HEMK2: variants seen among roughly 807,000 people sequenced by gnomAD.
HEMK2 encodes methyltransferase HEMK2.
At chr21:28,583,574 C>T in the HEMK2 span, among the ~76,000 whole-genome samples, 3 of 152,180 alleles carry the variant, frequency 2.0e-5, no homozygotes, top group East Asian at 3.8e-4. Context: ...CTGAACACGT[C>T]GTTTCAGGTT....
the HEMK2 span, among the ~76,000 whole-genome samples, chr21:28,665,371 CTTTT>C: frequency 0.012 from 188 of 15,898 alleles, 2 homozygotes; most frequent in African/African-American, 0.064. Context: ...TTTTAATTTT[CTTTT>C]TTTTTTTTTT....
the HEMK2 span, among the ~76,000 whole-genome samples, chr21:28,867,199 T>C: frequency 1.3e-5 from 2 of 152,200 alleles, no homozygotes; most frequent in African/African-American, 4.8e-5. Context: ...GAGATGTTTA[T>C]AGCAACATTA....
the HEMK2 span, among the ~76,000 whole-genome samples, chr21:28,746,165 G>A: frequency 2.6e-5 from 4 of 152,184 alleles, no homozygotes. Context: ...AAAACTATAT[G>A]AATATAAATA....
the HEMK2 span, among the ~76,000 whole-genome samples, chr21:28,599,905 A>G: frequency 6.6e-6 from 1 of 152,364 alleles, no homozygotes; most frequent in African/African-American, 2.4e-5. Flanking sequence ...TAAAGCTCCA[A>G]AAGTATCTCC....
chr21:28,589,549 T>G, the HEMK2 span, among the ~76,000 whole-genome samples: 1 of 152,112 alleles, frequency 6.6e-6, no homozygotes. Context: ...GAAAGCATTA[T>G]GCATGTAGGC....
At chr21:28,816,175 A>G in the HEMK2 span, among the ~76,000 whole-genome samples, 2 of 152,200 alleles carry the variant, frequency 1.3e-5, no homozygotes, top group African/African-American at 4.8e-5. Context: ...TGAGAAAATA[A>G]ATTTCTGTTA....
At chr21:28,696,302 G>A in the HEMK2 span, among the ~76,000 whole-genome samples, 1 of 152,128 alleles carries the variant, frequency 6.6e-6, no homozygotes, top group Admixed American at 6.6e-5. Flanking sequence ...ACAGGCATTG[G>A]GTAAATATAC....
At chr21:28,865,545 T>C in the HEMK2 span, among the ~76,000 whole-genome samples, 1 of 152,178 alleles carries the variant, frequency 6.6e-6, no homozygotes, top group African/African-American at 2.4e-5. Context: ...AAAGACTACA[T>C]CCTTTCCCAT....
the HEMK2 span, among the ~76,000 whole-genome samples, chr21:28,668,154 C>CT: frequency 1.3e-5 from 2 of 152,080 alleles, no homozygotes; most frequent in Non-Finnish European, 2.9e-5. Flanking sequence ...TAAAGATAAC[C>CT]TTAAATAAGG....
the HEMK2 span, among the ~76,000 whole-genome samples, chr21:28,879,159 A>T: frequency 7.2e-6 from 1 of 139,398 alleles, no homozygotes; most frequent in African/African-American, 2.7e-5. Flanking sequence ...ATCATGGCTC[A>T]CTGCAGCTTC....
chr21:28,885,108 T>A, the HEMK2 span: 1 of 1,408,482 alleles, frequency 7.1e-7, no homozygotes, highest in Non-Finnish European at 9.4e-7. Flanking sequence ...GGACCCCGCC[T>A]GCTCCGGCTC....
the HEMK2 span, among the ~76,000 whole-genome samples, chr21:28,839,144 A>C: frequency 1.3e-5 from 2 of 151,606 alleles, no homozygotes; most frequent in Non-Finnish European, 2.9e-5. Context: ...CAATAGATGC[A>C]GAAAAAGCAT....
chr21:28,824,185 G>T, the HEMK2 span, among the ~76,000 whole-genome samples: 2 of 152,218 alleles, frequency 1.3e-5, no homozygotes, highest in Non-Finnish European at 2.9e-5. Flanking sequence ...GGGGGAGCCT[G>T]AGCATCAGTC....
At chr21:28,626,700 A>G in the HEMK2 span, 1 of 152,172 alleles carries the variant, frequency 6.6e-6, no homozygotes, top group Non-Finnish European at 1.5e-5. Context: ...AAAATGAAAT[A>G]AGTTAAAAAT....
the HEMK2 span, among the ~76,000 whole-genome samples, chr21:28,627,559 G>A: frequency 6.6e-6 from 1 of 152,076 alleles, no homozygotes; most frequent in Non-Finnish European, 1.5e-5. Flanking sequence ...TGCTTCCAAT[G>A]CTAAAATTAA....
the HEMK2 span, among the ~76,000 whole-genome samples, chr21:28,857,483 G>A: frequency 6.6e-6 from 1 of 152,018 alleles, no homozygotes; most frequent in Admixed American, 6.5e-5. Context: ...AACTAGACCT[G>A]TGTAATTCTG....
At chr21:28,670,141 T>A in the HEMK2 span, among the ~76,000 whole-genome samples, 1 of 152,100 alleles carries the variant, frequency 6.6e-6, no homozygotes, top group Non-Finnish European at 1.5e-5. Flanking sequence ...GCAATCCTGG[T>A]GGAAATACTC....
chr21:28,715,648 T>C, the HEMK2 span, among the ~76,000 whole-genome samples: 1 of 152,166 alleles, frequency 6.6e-6, no homozygotes, highest in African/African-American at 2.4e-5. Flanking sequence ...AGTTTCATTA[T>C]GTCTCACTTG....
At chr21:28,606,569 T>A in the HEMK2 span, among the ~76,000 whole-genome samples, 1 of 152,200 alleles carries the variant, frequency 6.6e-6, no homozygotes, top group Non-Finnish European at 1.5e-5. Context: ...AAAAACTGTG[T>A]TGAGGTAAAA....
Sources: gnomAD v4.1 joint callset for allele counts (sites outside exome capture counted in the v4.1 genomes callset) on GRCh38, gnomAD v4.1.1 for gene constraint, MANE v1.5 for transcripts, NCBI Gene and HGNC (gene_info 2026-07-23, HGNC 2026-07-21) for gene names.